Variants in AKR1B15 observed in about 807,000 individuals in gnomAD.
The protein encoded by AKR1B15 is estradiol 17-beta-dehydrogenase AKR1B15.
A neutral mutation model predicts 38.5 loss-of-function variants in AKR1B15; 49 were observed. The ratio of observed to expected loss-of-function variants is 1.27; its 90% confidence interval spans 1.01 to 1.62. AKR1B15 has a LOEUF of 1.62. AKR1B15 is among the 40% of genes most tolerant of loss of function. The pLI is 0.00. For missense variants in AKR1B15, 411 were observed against 381.6 expected (o/e 1.08, Z -0.64); for synonymous variants, 137 against 135.5 (o/e 1.01, Z -0.08).
chr7:134,565,586 G>A lies in AKR1B15; in HGVS notation c.150+817G>A, dbSNP rs570405786. 4 of 1,611,614 alleles carry A rather than the reference G, an allele frequency of 2.5e-6. No individual in the cohort carries two copies. The African/African-American group carries it at 5.3e-5, about 21-fold the overall frequency. ...CTTTGCACAACTTTCTTCTCTGGAG[G>A]GCTGTTTGGGTGTTTTCTCTTTCTA... On this transcript the variant is annotated intron_variant, in intron 3 of 11. Transcript: ENST00000457545.
Position 134,565,369 on chromosome 7 carries a change from G to A in AKR1B15, c.150+600G>A, listed in dbSNP as rs1056146217. 7.7e-6 allele frequency: 12 copies of A among 1,552,392 alleles called. No individual in the cohort carries two copies. In the African/African-American group the frequency reaches 8.2e-5, roughly 11 times the overall value. ...TGTAACACACACTGTGAAGGTCCACGGCTTCATTCTTGAAGCCAGCGAGAC... is the reference window on the plus strand; with the variant it reads ...TGTAACACACACTGTGAAGGTCCACAGCTTCATTCTTGAAGCCAGCGAGAC... On this transcript the variant is annotated intron_variant, in intron 3 of 11. Transcript: ENST00000457545.
chr7:134,562,277 A>G (rs1794417199), intron 2 of AKR1B15, among the ~76,000 whole-genome samples: 1 of 152,190 alleles, frequency 6.6e-6, no homozygotes, highest in South Asian at 2.1e-4. Context: ...ATTTATTTTG[A>G]ACAGCGGAAG....
chr7:134,564,109 G>C (rs1030488636), intron 2 of AKR1B15, among the ~76,000 whole-genome samples: 2 of 152,176 alleles, frequency 1.3e-5, no homozygotes, highest in African/African-American at 4.8e-5. Context: ...AAGTCCGTCA[G>C]CACAGAGCCA....
intron 4 of AKR1B15, among the ~76,000 whole-genome samples, chr7:134,569,022 C>A (rs1794607056): frequency 6.6e-6 from 1 of 152,122 alleles, no homozygotes; most frequent in Non-Finnish European, 1.5e-5. Flanking sequence ...TCAGATGGGT[C>A]AGATAAAGGG....
chr7:134,563,152 TA>T (rs1794459942), intron 2 of AKR1B15, among the ~76,000 whole-genome samples: 1 of 152,124 alleles, frequency 6.6e-6, no homozygotes, highest in Admixed American at 6.5e-5. Context: ...TTGTCATGTT[TA>T]ATAATTCATT....
chr7:134,562,544 G>A (rs1794427213), intron 2 of AKR1B15, among the ~76,000 whole-genome samples: 1 of 152,068 alleles, frequency 6.6e-6, no homozygotes, highest in Middle Eastern at 3.2e-3. Context: ...ACAGAGTGCT[G>A]ATTAGTCCAT....
chr7:134,569,433 G>C lies in AKR1B15; in HGVS notation c.339G>C (p.Glu113Asp). The stretch of plus-strand genomic sequence containing the variant: ...TGCAGGTGTGGCCCACTTTCTTTGA[G>C]AGACCCCTTGTGAGGAAAGCCTTTG... ...IVSKVWPTFF[E>D]RPLVRKAFEK... Residue 113 changes from glutamate to aspartate, a missense_variant, in exon 5 of 12, where the codon GAG becomes GAC. This residue lies in a region of AKR1B15 where 254 missense variants were observed against 212.4 expected (regional missense o/e 1.20). Coordinates refer to ENST00000457545, the MANE Select transcript of AKR1B15 (RefSeq NM_001080538.3). The C allele has an allele frequency of 1.2e-6, 2 of 1,614,058 alleles. No individual in the cohort carries two copies. The highest frequency in any genetic ancestry group is 1.7e-6 in the Non-Finnish European group (2 of 1,179,960).
intron 1 of AKR1B15, among the ~76,000 whole-genome samples, chr7:134,553,050 GC>G (rs76224213): frequency 0.35 from 53,254 of 151,856 alleles, 9,791 homozygotes; most frequent in Non-Finnish European, 0.41. Context: ...AGCCAAGAAG[GC>G]CCAGCTTTTT....
chr7:134,550,437 C>A (rs947385198), intron 1 of AKR1B15, among the ~76,000 whole-genome samples: 1 of 152,068 alleles, frequency 6.6e-6, no homozygotes, highest in Non-Finnish European at 1.5e-5. Context: ...CGTGGAGACA[C>A]CAAAGTTATT....
intron 1 of AKR1B15, among the ~76,000 whole-genome samples, chr7:134,556,006 C>T (rs1438262290): frequency 6.6e-6 from 1 of 152,150 alleles, no homozygotes; most frequent in African/African-American, 2.4e-5. Flanking sequence ...TTGTAATCCT[C>T]TTACTATAAC....
At chr7:134,577,868 T>C in intron 11 of AKR1B15, 82 bp downstream of exon 11, 1 of 1,482,094 alleles carries the variant, frequency 6.7e-7, no homozygotes, top group Non-Finnish European at 9.3e-7. Flanking sequence ...ATTAGAAGGT[T>C]GTTGGGACTA....
Position 134,557,972 on chromosome 7 carries a change from T to C in AKR1B15, c.-23+1113T>C, listed in dbSNP as rs189719775. Among the ~76,000 whole-genome samples, 6 of 152,214 alleles carry C rather than the reference T, an allele frequency of 3.9e-5. No individual in the cohort carries two copies. The East Asian group carries it at 5.8e-4, about 15-fold the overall frequency. ...CTACTGTAACCCGTTTTCTCTTCCA[T>C]TGAACAAAAGACGTTGATAAAAATA... On this transcript the variant is annotated intron_variant, in intron 2 of 11. Coordinates refer to ENST00000457545, the MANE Select transcript of AKR1B15 (RefSeq NM_001080538.3).
intron 1 of AKR1B15, among the ~76,000 whole-genome samples, chr7:134,551,516 G>GA (rs1319618045): frequency 2.0e-5 from 3 of 152,194 alleles, no homozygotes; most frequent in African/African-American, 7.2e-5. Flanking sequence ...GACCATATCT[G>GA]AAGAGAAGCC....
intron 2 of AKR1B15, among the ~76,000 whole-genome samples, chr7:134,559,778 T>C (rs2117631512): frequency 6.6e-6 from 1 of 152,324 alleles, no homozygotes; most frequent in Middle Eastern, 3.4e-3. Flanking sequence ...AAGTAGCTAA[T>C]CAAAGTTCTT....
intron 9 of AKR1B15, 141 bp downstream of exon 9, chr7:134,576,571 T>C (rs1241515814): frequency 3.0e-6 from 3 of 994,602 alleles, no homozygotes; most frequent in Admixed American, 2.6e-5. Flanking sequence ...CTTTGAAGTC[T>C]GTTGGAACCT....
In AKR1B15 at chr7:134,576,955, C is replaced by G. The variant is rs1317257827; in HGVS notation, c.826-8C>G. 1 of 1,612,272 alleles carries G rather than the reference C, an allele frequency of 6.2e-7. No homozygotes were observed. Among genetic ancestry groups the G allele is most frequent in the Non-Finnish European group, 8.5e-7 (1 of 1,178,394 alleles). On this transcript the variant is annotated splice_polypyrimidine_tract_variant and splice_region_variant and intron_variant, in intron 9 of 11. Transcript: ENST00000457545. Reference sequence around the variant, plus strand: ...TGAGTGGAAACATGATGTCCCCTTTCTGCACAGGTTCTGATCCGTTTCCAT... The same window carrying G: ...TGAGTGGAAACATGATGTCCCCTTTGTGCACAGGTTCTGATCCGTTTCCAT...
At chr7:134,577,835 C>G in intron 11 of AKR1B15, 49 bp downstream of exon 11, 1 of 1,588,788 alleles carries the variant, frequency 6.3e-7, no homozygotes, top group Non-Finnish European at 8.6e-7. Flanking sequence ...TTTTTCTAAA[C>G]TGGTAGAGGG....
chr7:134,562,838 C>CT (rs1794438886), intron 2 of AKR1B15, among the ~76,000 whole-genome samples: 6 of 47,502 alleles, frequency 1.3e-4, no homozygotes, highest in African/African-American at 6.1e-4. Flanking sequence ...CTTTCTCTTT[C>CT]TTTCTTTCTT....
At chr7:134,576,526 A>T (rs1794771627) in intron 9 of AKR1B15, 96 bp downstream of exon 9, 1 of 1,429,062 alleles carries the variant, frequency 7.0e-7, no homozygotes, top group Non-Finnish European at 9.7e-7. Flanking sequence ...CTTAAAGGGG[A>T]AGAACACAGG....
Sources: allele counts gnomAD v4.1 joint callset (sites outside exome capture counted in the v4.1 genomes callset), GRCh38; gene constraint gnomAD v4.1.1; regional missense constraint gnomAD v4.1.1; transcripts MANE v1.5; gene names NCBI Gene and HGNC (gene_info 2026-07-23, HGNC 2026-07-21).